Variants in SLC18A1 observed in about 807,000 individuals in gnomAD.
SLC18A1 encodes the protein solute carrier family 18 member A1.
Under a neutral mutation model 53.7 loss-of-function variants are expected in SLC18A1, and 69 were observed. That is an observed-to-expected ratio of 1.28 (90% CI 1.06 to 1.57). The LOEUF (loss-of-function observed/expected upper bound fraction) is 1.57, where lower values mean the gene tolerates loss of function less well. SLC18A1 is among the 40% of genes most tolerant of loss of function. The probability of loss-of-function intolerance (pLI) is 0.00; values close to 1 mark genes in which losing one functional copy is unlikely to be tolerated. For missense variants in SLC18A1, 932 were observed against 668.1 expected, an observed-to-expected ratio of 1.40 and a Z score of -4.35; for synonymous variants, 320 against 248.1, an observed-to-expected ratio of 1.29 and a Z score of -2.72.
At chr8:20,169,768 A>G (rs1425069780) in intron 8 of SLC18A1, among the ~76,000 whole-genome samples, 1 of 152,116 alleles carries the variant, frequency 6.6e-6, no homozygotes, top group Non-Finnish European at 1.5e-5. Context: ...AATCCCAGCT[A>G]CTTGGGAGGC....
chr8:20,174,197 G>GC (rs2072198198), intron 5 of SLC18A1, among the ~76,000 whole-genome samples, 164 bp downstream of exon 5: 1 of 152,076 alleles, frequency 6.6e-6, no homozygotes, highest in Admixed American at 6.6e-5. Context: ...ACAGGTGTGA[G>GC]CCACTGTGCC....
intron 11 of SLC18A1, 36 bp from the exon 12 acceptor site, chr8:20,149,763 G>T (rs1287545829): frequency 6.2e-7 from 1 of 1,606,038 alleles, no homozygotes. Flanking sequence ...CACCACTAGG[G>T]GAGAGCTCCC....
intron 15 of SLC18A1, among the ~76,000 whole-genome samples, chr8:20,146,203 C>T (rs17840570): frequency 2.5e-4 from 38 of 152,266 alleles, no homozygotes; most frequent in Non-Finnish European, 3.8e-4. Context: ...GCGTGAGCCA[C>T]CGCGCCCGGC....
chr8:20,150,921 C>T (rs558014483), intron 10 of SLC18A1, 177 bp from the exon 11 acceptor site: 6 of 605,488 alleles, frequency 9.9e-6, no homozygotes, highest in South Asian at 1.9e-5. Context: ...ACCCCCACAC[C>T]TCTCCTTTCT....
intron 15 of SLC18A1, 37 bp downstream of exon 15, chr8:20,147,221 G>A (rs2071422856): frequency 6.4e-7 from 1 of 1,566,478 alleles, no homozygotes; most frequent in East Asian, 2.2e-5. Context: ...GAAAGAAACA[G>A]AAGTGAATTT....
At chr8:20,180,059 T>C (rs899071732) in intron 2 of SLC18A1, among the ~76,000 whole-genome samples, 6 of 151,444 alleles carry the variant, frequency 4.0e-5, no homozygotes, top group Admixed American at 3.9e-4. Flanking sequence ...TTTTTCTCTT[T>C]TATAAAGAAA....
At chr8:20,151,687 T>C (rs949548997) in intron 10 of SLC18A1, among the ~76,000 whole-genome samples, 3 of 152,188 alleles carry the variant, frequency 2.0e-5, no homozygotes, top group Non-Finnish European at 4.4e-5. Flanking sequence ...TCAGGAAACA[T>C]GGGCTTTGGA....
chr8:20,151,980 G>C (rs2071568353), intron 10 of SLC18A1, among the ~76,000 whole-genome samples: 1 of 152,224 alleles, frequency 6.6e-6, no homozygotes, highest in South Asian at 2.1e-4. Context: ...ATTTTGAAAA[G>C]TGTTGAGTTA....
chr8:20,160,498 A>G (rs927726902), intron 10 of SLC18A1, among the ~76,000 whole-genome samples: 4 of 151,904 alleles, frequency 2.6e-5, no homozygotes, highest in Admixed American at 1.3e-4. Context: ...GTGAATCTCT[A>G]AGGGGTGAGG....
In SLC18A1 at chr8:20,169,828, G is replaced by A. The variant is rs140191923; in HGVS notation, c.858+1275C>T. Among the ~76,000 whole-genome samples, 1,066 of 152,246 alleles carry A rather than the reference G, an allele frequency of 7.0e-3. 15 individuals are homozygous for A. Among genetic ancestry groups the A allele is most frequent in the African/African-American group, 0.025 (1,018 of 41,538 alleles). ...TAGGAGGCAGAGGTTGCAGTGAGCCGAGATCGCCCCACTGTACTCCAGCCT... is the reference window on the plus strand; with the variant it reads ...TAGGAGGCAGAGGTTGCAGTGAGCCAAGATCGCCCCACTGTACTCCAGCCT... On this transcript the variant is annotated intron_variant, in intron 8 of 15. Transcript: ENST00000276373.
In SLC18A1 at chr8:20,173,067, A is replaced by T; in HGVS notation, c.693T>A (p.Thr231=). ...ACCCCAAGGCCAGGCCCCCCAGAGC[A>T]GTTCCCATGGCTCGTCCTCTCTCAT... The part of the protein sequence containing the change: ...DDHERGRAMG[T]ALGGLALGLL... Residue 231 remains threonine (T), a synonymous_variant, in exon 6 of 16, where the codon ACT becomes ACA. Coordinates refer to ENST00000276373, the MANE Select transcript of SLC18A1 (RefSeq NM_003053.4). The T allele has an allele frequency of 6.3e-7, 1 of 1,592,558 alleles. No homozygotes were observed. The highest frequency in any genetic ancestry group is 8.5e-7 in the Non-Finnish European group (1 of 1,169,830).
In SLC18A1 at chr8:20,179,383, G is replaced by C. The variant is rs141477484; in HGVS notation, c.226C>G (p.Pro76Ala). The C allele has an allele frequency of 3.1e-6, 5 of 1,614,226 alleles. No homozygotes were observed. Among genetic ancestry groups the C allele is most frequent in the East Asian group, 4.5e-5 (2 of 44,874 alleles). The stretch of plus-strand genomic sequence containing the variant: ...AAGGAGAAGATGGTGGAAAAGGCAG[G>C]AGAGGCGAGGGCATGTGGGGAACTT... ...AGSSPHALAS[P>A]AFSTIFSFFN... The change falls in exon 3 of 16, where the codon CCT (proline) becomes GCT (alanine). Residue 76 changes from proline to alanine, a missense_variant. Pro to Ala is a conservative substitution (Grantham distance 27). Coordinates refer to ENST00000276373, the MANE Select transcript of SLC18A1 (RefSeq NM_003053.4).
In SLC18A1 at chr8:20,179,479, T is replaced by A; in HGVS notation, c.130A>T (p.Ile44Phe). The change falls in exon 3 of 16, where the codon ATT becomes TTT. Residue 44 changes from isoleucine (I) to phenylalanine (F), a missense_variant. Physicochemically the swap from Ile to Phe is conservative, Grantham distance 21. Coordinates refer to ENST00000276373, the MANE Select transcript of SLC18A1 (RefSeq NM_003053.4). ...ATGTCATATAGGAAGGTGGGCACAATTGGCACTGAAAGTCAAAGAGGACAG... is the reference window on the plus strand; with the variant it reads ...ATGTCATATAGGAAGGTGGGCACAAATGGCACTGAAAGTCAAAGAGGACAG... ...DNMLFTVVVP[I>F]VPTFLYDMEF... The A allele has an allele frequency of 6.2e-7, 1 of 1,608,398 alleles. No individual in the cohort carries two copies. The highest frequency in any genetic ancestry group is 8.5e-7 in the Non-Finnish European group (1 of 1,176,810).
Position 20,180,705 on chromosome 8 carries a change from C to T in SLC18A1, c.124+136G>A, listed in dbSNP as rs2072403131. 8 of 1,120,342 alleles carry T rather than the reference C, an allele frequency of 7.1e-6. 1 individual carries two copies. The South Asian group carries it at 1.2e-4, about 17-fold the overall frequency. 69.4% of individuals were successfully genotyped at this position (1,120,342 alleles called of 1,614,324 possible). The stretch of plus-strand genomic sequence containing the variant: ...TTTCTGCAGGGCTTTTTTCCAGTCC[C>T]CAACAACCTCTGTGTGTTTTTGAGC... On this transcript the variant is annotated intron_variant, in intron 2 of 15. Transcript: ENST00000276373.
intron 10 of SLC18A1, among the ~76,000 whole-genome samples, chr8:20,154,600 A>T (rs1294209567): frequency 1.3e-5 from 2 of 152,244 alleles, no homozygotes; most frequent in Admixed American, 1.3e-4. Flanking sequence ...CACAGAAAAC[A>T]TCTGGGTCTC....
At chr8:20,160,313 AC>A (rs1465563722) in intron 10 of SLC18A1, among the ~76,000 whole-genome samples, 2 of 149,780 alleles carry the variant, frequency 1.3e-5, no homozygotes, top group African/African-American at 4.9e-5. Context: ...CACCTCCTTG[AC>A]ATCATTTTAA....
At chr8:20,145,988 T>C (rs7827215) in intron 15 of SLC18A1, 112 bp from the exon 16 acceptor site, 464,838 of 491,112 alleles carry the variant, frequency 0.95, 220,188 homozygotes, top group East Asian at 1. Context: ...CAATCTCGGC[T>C]CACTGCAAGC....
intron 10 of SLC18A1, among the ~76,000 whole-genome samples, chr8:20,156,979 T>G (rs6989379): frequency 0.85 from 128,666 of 152,180 alleles, 54,775 homozygotes; most frequent in African/African-American, 0.94. Context: ...TGGACCACCA[T>G]AATCCAGCAG....
intron 10 of SLC18A1, among the ~76,000 whole-genome samples, chr8:20,153,786 A>G (rs1209463660): frequency 6.6e-6 from 1 of 152,210 alleles, no homozygotes; most frequent in African/African-American, 2.4e-5. Context: ...AGAACACCTG[A>G]GAAGGGAATA....
Sources: gnomAD v4.1 joint callset for allele counts (sites outside exome capture counted in the v4.1 genomes callset) on GRCh38, gnomAD v4.1.1 for gene constraint, MANE v1.5 for transcripts, NCBI Gene and HGNC (gene_info 2026-07-23, HGNC 2026-07-21) for gene names.